TMEM132D: variants seen among roughly 807,000 people sequenced by gnomAD.
The protein encoded by TMEM132D is mature OL transmembrane protein.
In TMEM132D, 21 loss-of-function variants were observed where a neutral mutation model predicts 62.3. The observed-to-expected ratio is 0.34, with a 90% CI of 0.24 to 0.49. The LOEUF is 0.49. Among genes scored for constraint, TMEM132D ranks in the 20% least tolerant of loss-of-function variants. The pLI, the probability that TMEM132D is intolerant of heterozygous loss-of-function variation, is 0.99. For synonymous variants in TMEM132D, 621 were observed against 575.6 expected (o/e 1.08, Z -1.13); for missense variants, 1,346 against 1,402.8 (o/e 0.96, Z 0.65).
chr12:129,843,421 T>C (rs115064790), intron 1 of TMEM132D, among the ~76,000 whole-genome samples: 1,876 of 152,312 alleles, frequency 0.012, 40 homozygotes, highest in African/African-American at 0.042. Context: ...TAAGTGATCA[T>C]AATTGCATCG....
chr12:129,141,155 A>C (rs936924015), intron 5 of TMEM132D, among the ~76,000 whole-genome samples: 1 of 152,246 alleles, frequency 6.6e-6, no homozygotes, highest in Non-Finnish European at 1.5e-5. Context: ...TGGCATTGCT[A>C]GAACTCTTGC....
intron 3 of TMEM132D, among the ~76,000 whole-genome samples, chr12:129,381,827 A>G (rs989028096): frequency 6.6e-5 from 10 of 152,204 alleles, no homozygotes; most frequent in African/African-American, 2.4e-4. Flanking sequence ...AAATCACAGG[A>G]AATTACCAGG....
chr12:129,199,194 C>T (rs749653196), intron 5 of TMEM132D, among the ~76,000 whole-genome samples: 4 of 148,298 alleles, frequency 2.7e-5, no homozygotes, highest in African/African-American at 5.0e-5. Context: ...ACTGCAGCCT[C>T]GACTTCCCAG....
chr12:129,334,796 G>A (rs1475430659), intron 4 of TMEM132D, among the ~76,000 whole-genome samples: 3 of 152,120 alleles, frequency 2.0e-5, no homozygotes, highest in African/African-American at 7.2e-5. Flanking sequence ...CACCATGTTG[G>A]CCAGGCTGGT....
chr12:129,697,760 C>A (rs2137222156), intron 2 of TMEM132D, among the ~76,000 whole-genome samples: 1 of 152,302 alleles, frequency 6.6e-6, no homozygotes, highest in East Asian at 1.9e-4. Context: ...TGTGCAGCCA[C>A]ACATAGTGAA....
chr12:129,881,248 A>G (rs1280770475), intron 1 of TMEM132D, among the ~76,000 whole-genome samples: 1 of 152,102 alleles, frequency 6.6e-6, no homozygotes, highest in African/African-American at 2.4e-5. Flanking sequence ...AAAAAAATCC[A>G]TAACTATTAG....
At chr12:129,207,626 T>C (rs1478073177) in intron 5 of TMEM132D, among the ~76,000 whole-genome samples, 2 of 152,142 alleles carry the variant, frequency 1.3e-5, no homozygotes, top group Non-Finnish European at 2.9e-5. Flanking sequence ...GTCTCCAGTG[T>C]GGCCAGAGTG....
chr12:129,791,899 C>T (rs2137299120), intron 1 of TMEM132D, among the ~76,000 whole-genome samples: 1 of 152,226 alleles, frequency 6.6e-6, no homozygotes, highest in South Asian at 2.1e-4. Flanking sequence ...ACACACACTC[C>T]TGTATTTCCT....
At chr12:129,381,216 G>T (rs1362450727) in intron 3 of TMEM132D, among the ~76,000 whole-genome samples, 1 of 152,150 alleles carries the variant, frequency 6.6e-6, no homozygotes, top group Non-Finnish European at 1.5e-5. Context: ...AGCCAAAGTT[G>T]ATATTAAGAG....
rs980488721 is a variant in TMEM132D at position 129,531,108 on chromosome 12, C to T, written c.1066G>A (p.Ala356Thr). Residue 356 changes from alanine (A) to threonine (T), a missense_variant, in exon 3 of 9, where the codon GCA becomes ACA. Physicochemically the swap from Ala to Thr is moderately conservative, Grantham distance 58. Transcript: ENST00000422113. ...TTCTGACAAACGATGACAGCTGGTG[C>T]ATACTTTCCAGTATAATCCGTGCGC... is the stretch of plus-strand genomic sequence containing the variant. ...KERTDYTGKY[A>T]PAVIVCQKKA... is the part of the protein sequence containing the mutation. The T allele has an allele frequency of 6.2e-7, 1 of 1,613,960 alleles. No individual in the cohort carries two copies. The highest frequency in any genetic ancestry group is 1.7e-5 in the Admixed American group (1 of 60,022).
intron 1 of TMEM132D, among the ~76,000 whole-genome samples, chr12:129,714,414 G>T (rs1565959282): frequency 6.6e-6 from 1 of 152,192 alleles, no homozygotes; most frequent in Non-Finnish European, 1.5e-5. Flanking sequence ...CATTCGGGCT[G>T]CAGGACAATG....
At chr12:129,441,034 A>G (rs2135721121) in intron 3 of TMEM132D, among the ~76,000 whole-genome samples, 1 of 152,272 alleles carries the variant, frequency 6.6e-6, no homozygotes, top group South Asian at 2.1e-4. Context: ...GCATTGGGTG[A>G]CATATAAGTC....
intron 5 of TMEM132D, among the ~76,000 whole-genome samples, chr12:129,174,059 C>G (rs1002080067): frequency 6.6e-6 from 1 of 152,150 alleles, no homozygotes; most frequent in Non-Finnish European, 1.5e-5. Context: ...AAATACTCAG[C>G]CAACATAATA....
chr12:129,282,620 G>C (rs1475692298), intron 4 of TMEM132D, among the ~76,000 whole-genome samples: 1 of 152,166 alleles, frequency 6.6e-6, no homozygotes, highest in Non-Finnish European at 1.5e-5. Flanking sequence ...CAATCCTGAG[G>C]CAAGTGTGAG....
intron 1 of TMEM132D, among the ~76,000 whole-genome samples, chr12:129,886,976 A>G (rs1874768399): frequency 6.6e-6 from 1 of 152,200 alleles, no homozygotes; most frequent in Non-Finnish European, 1.5e-5. Flanking sequence ...CTCCCCAGCC[A>G]TGCTGAACTG....
intron 4 of TMEM132D, among the ~76,000 whole-genome samples, chr12:129,336,331 A>G (rs1408014638): frequency 1.3e-5 from 2 of 152,130 alleles, no homozygotes; most frequent in Non-Finnish European, 2.9e-5. Context: ...TAATCCCAGT[A>G]CTTTGGGAGG....
At chr12:129,761,506 C>T (rs1052248527) in intron 1 of TMEM132D, among the ~76,000 whole-genome samples, 2 of 152,204 alleles carry the variant, frequency 1.3e-5, no homozygotes, top group African/African-American at 4.8e-5. Context: ...CCTCTCAAGA[C>T]ACAAGCACGT....
chr12:129,631,067 G>T (rs1377263678), intron 2 of TMEM132D, among the ~76,000 whole-genome samples: 1 of 152,040 alleles, frequency 6.6e-6, no homozygotes, highest in Non-Finnish European at 1.5e-5. Context: ...CCCCATATGG[G>T]GTAGGATGCT....
At chr12:129,293,459 C>T (rs7135320) in intron 4 of TMEM132D, among the ~76,000 whole-genome samples, 2,403 of 152,236 alleles carry the variant, frequency 0.016, 27 homozygotes, top group Non-Finnish European at 0.025. Context: ...TTTCCAAAGA[C>T]GGGTGGCGGG....
Sources: allele counts gnomAD v4.1 joint callset (sites outside exome capture counted in the v4.1 genomes callset), GRCh38; gene constraint gnomAD v4.1.1; transcripts MANE v1.5; gene names NCBI Gene and HGNC (gene_info 2026-07-23, HGNC 2026-07-21).